Variants in ERC2 observed in about 807,000 individuals in gnomAD.
ERC2 encodes ELKS/RAB6-interacting/CAST family member 2.
A neutral mutation model predicts 114.8 loss-of-function variants in ERC2; 42 were observed. The ratio of observed to expected loss-of-function variants is 0.37; its 90% CI spans 0.29 to 0.47. ERC2 has a LOEUF of 0.47. Ranked by LOEUF, ERC2 falls within the 20% of genes least tolerant of loss-of-function variation. The pLI is 0.99. For missense variants in ERC2, 939 were observed against 1,150.7 expected (o/e 0.82, Z 2.66); for synonymous variants, 454 against 425.5 (o/e 1.07, Z -0.82).
intron 2 of ERC2, among the ~76,000 whole-genome samples, chr3:56,417,324 C>T (rs73077741): frequency 0.06 from 9,163 of 152,164 alleles, 363 homozygotes; most frequent in South Asian, 0.17. Flanking sequence ...CATCTCATGC[C>T]GTGGGACATA....
At chr3:55,638,461 A>G (rs2060044672) in intron 17 of ERC2, among the ~76,000 whole-genome samples, 1 of 152,240 alleles carries the variant, frequency 6.6e-6, no homozygotes, top group Admixed American at 6.5e-5. Flanking sequence ...TAGCTTTGGC[A>G]TTACGTCAGT....
At chr3:56,158,465 C>G (rs993968500) in intron 4 of ERC2, among the ~76,000 whole-genome samples, 1 of 152,118 alleles carries the variant, frequency 6.6e-6, no homozygotes, top group African/African-American at 2.4e-5. Context: ...AAGGCACAAC[C>G]TCTTTTTTAC....
At chr3:55,744,742 C>G (rs2066201521) in intron 14 of ERC2, among the ~76,000 whole-genome samples, 1 of 152,240 alleles carries the variant, frequency 6.6e-6, no homozygotes, top group South Asian at 2.1e-4. Flanking sequence ...CAATAAATCC[C>G]TGCTTTCATT....
chr3:55,680,558 G>A (rs964982334), intron 17 of ERC2, among the ~76,000 whole-genome samples: 1 of 152,208 alleles, frequency 6.6e-6, no homozygotes, highest in African/African-American at 2.4e-5. Context: ...TGCTTTTTCT[G>A]CATTTTGCAA....
At chr3:55,948,398 G>C (rs1183469597) in intron 13 of ERC2, among the ~76,000 whole-genome samples, 1 of 152,166 alleles carries the variant, frequency 6.6e-6, no homozygotes, top group Non-Finnish European at 1.5e-5. Flanking sequence ...TTGTAAACAG[G>C]AAATGCTCAA....
chr3:56,428,885 T>C (rs1047308777), intron 2 of ERC2, among the ~76,000 whole-genome samples: 3 of 152,202 alleles, frequency 2.0e-5, no homozygotes, highest in Non-Finnish European at 4.4e-5. Flanking sequence ...ACACGCAAGA[T>C]GGGTAAATAT....
At chr3:55,996,593 G>A (rs1443530198) in intron 10 of ERC2, among the ~76,000 whole-genome samples, 2 of 152,166 alleles carry the variant, frequency 1.3e-5, no homozygotes, top group Non-Finnish European at 2.9e-5. Context: ...ACATCAGTAA[G>A]TTTTGAGGGA....
At chr3:55,992,540 T>C (rs953141790) in intron 10 of ERC2, among the ~76,000 whole-genome samples, 1 of 152,204 alleles carries the variant, frequency 6.6e-6, no homozygotes, top group Non-Finnish European at 1.5e-5. Context: ...AAAAGTAGGG[T>C]TAGATACTGT....
At chr3:55,845,053 A>G (rs1408182022) in intron 14 of ERC2, among the ~76,000 whole-genome samples, 1 of 152,156 alleles carries the variant, frequency 6.6e-6, no homozygotes. Flanking sequence ...TCACACTCCT[A>G]TGAGAATCTA....
intron 17 of ERC2, among the ~76,000 whole-genome samples, chr3:55,530,429 G>A (rs974822061): frequency 5.3e-5 from 8 of 151,372 alleles, no homozygotes; most frequent in Non-Finnish European, 7.4e-5. Context: ...GGCTGCAGTC[G>A]GCTGGCTCCT....
chr3:55,661,108 G>A (rs1249243164), intron 17 of ERC2, among the ~76,000 whole-genome samples: 1 of 152,160 alleles, frequency 6.6e-6, no homozygotes, highest in African/African-American at 2.4e-5. Context: ...GTTTTCTACT[G>A]CTATCCTAAC....
intron 14 of ERC2, among the ~76,000 whole-genome samples, chr3:55,879,013 T>C (rs979494092): frequency 9.2e-5 from 14 of 152,148 alleles, no homozygotes; most frequent in Non-Finnish European, 1.8e-4. Context: ...GAAAATTCTA[T>C]TGTGGATGTA....
At chr3:56,363,423 G>A (rs2059032162) in intron 2 of ERC2, among the ~76,000 whole-genome samples, 1 of 152,154 alleles carries the variant, frequency 6.6e-6, no homozygotes, top group African/African-American at 2.4e-5. Context: ...AAATAAACCA[G>A]TATCCTTATC....
intron 14 of ERC2, among the ~76,000 whole-genome samples, chr3:55,855,010 GC>G (rs1364862491): frequency 6.6e-6 from 1 of 152,086 alleles, no homozygotes; most frequent in East Asian, 1.9e-4. Flanking sequence ...AGTATGATAA[GC>G]CCCCCATTAT....
At chr3:56,225,693 T>C (rs1383047588) in intron 3 of ERC2, among the ~76,000 whole-genome samples, 1 of 152,246 alleles carries the variant, frequency 6.6e-6, no homozygotes, top group African/African-American at 2.4e-5. Flanking sequence ...CATTGATGCA[T>C]GTTCTCCCTC....
intron 2 of ERC2, among the ~76,000 whole-genome samples, chr3:56,339,249 G>T (rs1325876177): frequency 6.6e-6 from 1 of 152,186 alleles, no homozygotes; most frequent in Non-Finnish European, 1.5e-5. Context: ...TCATACAGAA[G>T]TGGCGCACCT....
intron 3 of ERC2, among the ~76,000 whole-genome samples, chr3:56,230,696 T>C (rs546668862): frequency 7.2e-4 from 110 of 152,356 alleles, no homozygotes; most frequent in Admixed American, 1.7e-3. Context: ...TAAGAAAACA[T>C]TGCCTTCTTA....
intron 16 of ERC2, among the ~76,000 whole-genome samples, chr3:55,696,628 A>G (rs951839646): frequency 2.6e-5 from 4 of 152,232 alleles, no homozygotes; most frequent in African/African-American, 9.6e-5. Context: ...ATCAATTGGG[A>G]AAGATAACTA....
intron 2 of ERC2, among the ~76,000 whole-genome samples, chr3:56,401,430 C>A (rs114982837): frequency 6.6e-6 from 1 of 152,182 alleles, no homozygotes; most frequent in Non-Finnish European, 1.5e-5. Flanking sequence ...AAATTATGCT[C>A]TGTAACCCAA....
Sources: gnomAD v4.1 joint callset for allele counts (sites outside exome capture counted in the v4.1 genomes callset) on GRCh38, gnomAD v4.1.1 for gene constraint, MANE v1.5 for transcripts, NCBI Gene and HGNC (gene_info 2026-07-23, HGNC 2026-07-21) for gene names.